The following ZNF891 variants were observed in gnomAD, a reference collection of about 807,000 sequenced individuals.
The protein encoded by ZNF891 is hCG1646157.
For synonymous variants in ZNF891, 199 were observed against 209.0 expected (o/e 0.95, Z 0.41); for missense variants, 589 against 632.7 (o/e 0.93, Z 0.74).
chr12:133,119,737 T>C lies in ZNF891; in HGVS notation c.*547A>G, dbSNP rs1163343064. On this transcript the variant is annotated 3_prime_UTR_variant, in exon 2 of 2. Transcript: ENST00000537226. ...AGCAGCTTCAGGAATGGCCAATTCA[T>C]AGGGACAAAGATGAAGTGCAAAAAG... 3 of 152,542 alleles carry C rather than the reference T, an allele frequency of 2.0e-5. No homozygotes were observed. The East Asian group carries it at 5.8e-4, about 29-fold the overall frequency. 9.4% of individuals were successfully genotyped at this position (152,542 alleles called of 1,614,324 possible). A position where few individuals can be genotyped will look rare whatever the true frequency, so the allele number is the denominator to read the frequency against.
Position 133,110,858 on chromosome 12 carries a change from A to C in ZNF891, c.*9426T>G, listed in dbSNP as rs1392873461. On this transcript the variant is annotated 3_prime_UTR_variant, in exon 2 of 2. Coordinates refer to ENST00000537226, the MANE Select transcript of ZNF891 (RefSeq NM_001277291.2). ...CCAAGCTACTCATGGAGGCTGAGGC[A>C]TGGAGAATCACTTGAACCCAGGAGG... 1 of 152,236 alleles carries C rather than the reference A, an allele frequency of 6.6e-6. No homozygotes were observed. The allele number at this position is 152,236 out of a possible 1,614,324, so 9.4% of individuals were successfully genotyped here.
chr12:133,124,808 TG>T (rs1955799260), intron 1 of ZNF891, among the ~76,000 whole-genome samples: 1 of 149,386 alleles, frequency 6.7e-6, no homozygotes. Flanking sequence ...TTGTTTTATA[TG>T]GGTGTTCTAT....
chr12:133,126,298 C>A (rs1213571604), intron 1 of ZNF891, among the ~76,000 whole-genome samples: 2 of 151,734 alleles, frequency 1.3e-5, no homozygotes, highest in African/African-American at 4.8e-5. Flanking sequence ...TACTGTGAAA[C>A]CCCATCTCTA....
chr12:133,105,685 T>C lies in ZNF891; in HGVS notation c.*14599A>G. ...AGATGCTGCAAGAAAATCAGGGATG[T>C]ATTAGGAAAGTAACAGTCTCTCATC... On this transcript the variant is annotated 3_prime_UTR_variant, in exon 2 of 2. Coordinates refer to ENST00000537226, the MANE Select transcript of ZNF891 (RefSeq NM_001277291.2). 1 of 1,614,154 alleles carries C rather than the reference T, an allele frequency of 6.2e-7. No individual in the cohort carries two copies. The highest frequency in any genetic ancestry group is 8.5e-7 in the Non-Finnish European group (1 of 1,180,020).
intron 1 of ZNF891, among the ~76,000 whole-genome samples, chr12:133,126,886 ATATGAGCAATT>A (rs1346170412): frequency 6.6e-6 from 1 of 151,932 alleles, no homozygotes; most frequent in Non-Finnish European, 1.5e-5. Flanking sequence ...AAAGACCACT[ATATGAGCAATT>A]TAAGGTACCC....
In ZNF891 at chr12:133,117,025, T is replaced by C. The variant is rs1955718895; in HGVS notation, c.*3259A>G. The C allele has an allele frequency of 2.0e-5, 3 of 152,254 alleles. No individual in the cohort carries two copies. The highest frequency in any genetic ancestry group is 4.4e-5 in the Non-Finnish European group (3 of 68,052). 9.4% of individuals were successfully genotyped at this position (152,254 alleles called of 1,614,324 possible). A position where few individuals can be genotyped will look rare whatever the true frequency, so the allele number is the denominator to read the frequency against. On this transcript the variant is annotated 3_prime_UTR_variant, in exon 2 of 2. Coordinates refer to ENST00000537226, the MANE Select transcript of ZNF891 (RefSeq NM_001277291.2). Reference sequence around the variant, plus strand: ...TTTCTCCCTCTCTTCCTTGCTATCTTTTATTTAAATGACCTCTCCTCAATC... The same window carrying C: ...TTTCTCCCTCTCTTCCTTGCTATCTCTTATTTAAATGACCTCTCCTCAATC...
Position 133,106,630 on chromosome 12 carries a change from A to G in ZNF891, c.*13654T>C. 6.3e-7 allele frequency: 1 copy of G among 1,593,888 alleles called. No individual in the cohort carries two copies. Among genetic ancestry groups the G allele is most frequent in the Non-Finnish European group, 8.5e-7 (1 of 1,173,262 alleles). ...ATGAAAATTCATTTAATTACCACTC[A>G]TTCCTTACTGAACACCAGTGAATTT... On this transcript the variant is annotated 3_prime_UTR_variant, in exon 2 of 2. Coordinates refer to ENST00000537226, the MANE Select transcript of ZNF891 (RefSeq NM_001277291.2).
At position 133,120,311 on chromosome 12, in the gene ZNF891, T is replaced by C. The variant is rs1261528569; in HGVS notation, c.1608A>G (p.Arg536=). ...SQSSSLIIHK[R]IHTERETL ...ACAGGGTTTCTCTCTCAGTATGAAT[T>C]CTCTTGTGTATAATAAGTGAAGAGC... Residue 536 remains arginine (R), a synonymous_variant, in exon 2 of 2, where the codon AGA becomes AGG. Coordinates refer to ENST00000537226, the MANE Select transcript of ZNF891 (RefSeq NM_001277291.2). 1 of 1,545,856 alleles carries C rather than the reference T, an allele frequency of 6.5e-7. No homozygotes were observed.
Position 133,121,344 on chromosome 12 carries a change from T to C in ZNF891, c.575A>G (p.His192Arg). ...TVPQELFRDY[H>R]ELEENSKLGS... ...AAGTTTAGAGTTTTCCTCTAATTCA[T>C]GATAGTCACGGAATAGCTCCTGAGG... The change falls in exon 2 of 2, where the codon CAT becomes CGT. Residue 192 changes from histidine (H) to arginine (R), a missense_variant. Transcript: ENST00000537226. 6.5e-7 allele frequency: 1 copy of C among 1,536,068 alleles called. No homozygotes were observed.
At position 133,119,352 on chromosome 12, in the gene ZNF891, T is replaced by C. The variant is rs1955734637; in HGVS notation, c.*932A>G. The stretch of plus-strand genomic sequence containing the variant: ...TGAGGTCAGGAGTTTGAGACCAACC[T>C]GGCCAACATGGTGAAACCCCGTCTC... On this transcript the variant is annotated 3_prime_UTR_variant, in exon 2 of 2. Transcript: ENST00000537226. 6.6e-6 allele frequency: 1 copy of C among 152,188 alleles called. No individual in the cohort carries two copies. The highest frequency in any genetic ancestry group is 2.4e-5 in the African/African-American group (1 of 41,516). The allele number at this position is 152,188 out of a possible 1,614,324, so 9.4% of individuals were successfully genotyped here.
chr12:133,123,096 A>C (rs1220506911), intron 1 of ZNF891, among the ~76,000 whole-genome samples: 2 of 152,374 alleles, frequency 1.3e-5, no homozygotes, highest in South Asian at 4.1e-4. Flanking sequence ...CGTCAAATGC[A>C]AGTCTTTTCT....
In ZNF891 at chr12:133,105,760, T is replaced by C; in HGVS notation, c.*14524A>G. ...ATATCAGTACTGTGGAGAGGCCCTATGGATGCCATGAATGTGGAAAAACTT... is the reference window on the plus strand; with the variant it reads ...ATATCAGTACTGTGGAGAGGCCCTACGGATGCCATGAATGTGGAAAAACTT... On this transcript the variant is annotated 3_prime_UTR_variant, in exon 2 of 2. Transcript: ENST00000537226. 1 of 1,614,200 alleles carries C rather than the reference T, an allele frequency of 6.2e-7. No individual in the cohort carries two copies.
intron 1 of ZNF891, among the ~76,000 whole-genome samples, chr12:133,126,473 C>CAAAAAA (rs869209894): frequency 5.1e-5 from 3 of 58,330 alleles, no homozygotes; most frequent in Non-Finnish European, 9.9e-5. Context: ...GACTCCGTCT[C>CAAAAAA]AAAAAAAAAA....
In ZNF891 at chr12:133,121,325, A is replaced by G. The variant is rs1368352853; in HGVS notation, c.594T>C (p.Ser198=). ...AAAAAATAAGTTTTGATCCAAGTTT[A>G]GAGTTTTCCTCTAATTCATGATAGT... The part of the protein sequence containing the change: ...FRDYHELEEN[S]KLGSKLIFSQ... The change falls in exon 2 of 2, where the codon TCT becomes TCC. Residue 198 remains serine, a synonymous_variant. Coordinates refer to ENST00000537226, the MANE Select transcript of ZNF891 (RefSeq NM_001277291.2). 2 of 1,535,716 alleles carry G rather than the reference A, an allele frequency of 1.3e-6. No individual in the cohort carries two copies. The highest frequency in any genetic ancestry group is 1.4e-5 in the African/African-American group (1 of 73,004).
In ZNF891 at chr12:133,114,930, G is replaced by A. The variant is rs1955707042; in HGVS notation, c.*5354C>T. On this transcript the variant is annotated 3_prime_UTR_variant, in exon 2 of 2. Transcript: ENST00000537226. The stretch of plus-strand genomic sequence containing the variant: ...GATGGATCACCCTGGGAAGTGTAGA[G>A]AACAGTTGATAGGAAAGCACAATAT... The A allele has an allele frequency of 6.6e-6, 1 of 152,172 alleles. No individual in the cohort carries two copies. The allele number at this position is 152,172 out of a possible 1,614,324, so 9.4% of individuals were successfully genotyped here.
rs1415086006 is a variant in ZNF891, at chr12:133,117,873, GTA to G, written c.*2409_*2410del. 2 of 151,072 alleles carry G rather than the reference GTA, an allele frequency of 1.3e-5. No individual in the cohort carries two copies. The highest frequency in any genetic ancestry group is 4.9e-5 in the African/African-American group (2 of 41,036). The allele number at this position is 151,072 out of a possible 1,614,324, so 9.4% of individuals were successfully genotyped here. On this transcript the variant is annotated 3_prime_UTR_variant, in exon 2 of 2. Transcript: ENST00000537226. ...AATCACAAATGATCTTCACTTGGCT[GTA>G]TATGTTTACCTTTTTAGACTTCATC...
rs1009017544 is a variant in ZNF891 at position 133,107,703 on chromosome 12, C to G, written c.*12581G>C. On this transcript the variant is annotated 3_prime_UTR_variant, in exon 2 of 2. Coordinates refer to ENST00000537226, the MANE Select transcript of ZNF891 (RefSeq NM_001277291.2). ...CCAAGGTATTCTTCCTGTTTTGTTCCATGTACGGTGAAAACCGTTCTTTTG... is the reference window on the plus strand; with the variant it reads ...CCAAGGTATTCTTCCTGTTTTGTTCGATGTACGGTGAAAACCGTTCTTTTG... 6.6e-6 allele frequency: 1 copy of G among 152,114 alleles called. No individual in the cohort carries two copies. Among genetic ancestry groups the G allele is most frequent in the Non-Finnish European group, 1.5e-5 (1 of 68,020 alleles). 9.4% of individuals were successfully genotyped at this position (152,114 alleles called of 1,614,324 possible). A position where few individuals can be genotyped will look rare whatever the true frequency, so the allele number is the denominator to read the frequency against.
In ZNF891 at chr12:133,105,600, TAA is replaced by T. The variant is rs1955563293; in HGVS notation, c.*14682_*14683del. On this transcript the variant is annotated 3_prime_UTR_variant, in exon 2 of 2. Coordinates refer to ENST00000537226, the MANE Select transcript of ZNF891 (RefSeq NM_001277291.2). ...CAGTATTTGATCATGGAAAGAATTC[TAA>T]GTCAAGGCCCTGTGTATTCCAGTTT... 1 of 1,614,060 alleles carries T rather than the reference TAA, an allele frequency of 6.2e-7. No individual in the cohort carries two copies. Among genetic ancestry groups the T allele is most frequent in the Non-Finnish European group, 8.5e-7 (1 of 1,180,034 alleles).
Position 133,106,264 on chromosome 12 carries a change from T to C in ZNF891, c.*14020A>G. ...GCATCCATACAACCAAAACCCCGTATGAATGTAATGAATGTAGGAAAGCTT... is the reference window on the plus strand; with the variant it reads ...GCATCCATACAACCAAAACCCCGTACGAATGTAATGAATGTAGGAAAGCTT... On this transcript the variant is annotated 3_prime_UTR_variant, in exon 2 of 2. Coordinates refer to ENST00000537226, the MANE Select transcript of ZNF891 (RefSeq NM_001277291.2). 1.2e-6 allele frequency: 2 copies of C among 1,614,200 alleles called. No individual in the cohort carries two copies. The highest frequency in any genetic ancestry group is 1.7e-6 in the Non-Finnish European group (2 of 1,180,018).
Sources: allele counts gnomAD v4.1 joint callset (sites outside exome capture counted in the v4.1 genomes callset), GRCh38; gene constraint gnomAD v4.1.1; transcripts MANE v1.5; gene names NCBI Gene and HGNC (gene_info 2026-07-23, HGNC 2026-07-21).